The following ARHGEF4 variants were observed in gnomAD, a reference collection of about 807,000 sequenced individuals.
ARHGEF4 encodes the protein Rho guanine nucleotide exchange factor 4.
A neutral mutation model predicts 162.0 loss-of-function variants in ARHGEF4; 119 were observed. That is an observed-to-expected ratio of 0.73 (90% CI 0.63 to 0.86). ARHGEF4 has a LOEUF of 0.86. Ranked by LOEUF, ARHGEF4 falls within the 40% of genes least tolerant of loss-of-function variation. The probability of loss-of-function intolerance (pLI) is 0.00; values close to 1 mark genes in which losing one functional copy is unlikely to be tolerated. For synonymous variants in ARHGEF4, 1,014 were observed against 979.9 expected, an observed-to-expected ratio of 1.03 and a Z score of -0.65; for missense variants, 2,488 against 2,456.0, an observed-to-expected ratio of 1.01 and a Z score of -0.28.
At position 131,044,337 on chromosome 2, in the gene ARHGEF4, GCTGGACATGGACGGC is replaced by G; in HGVS notation, c.5202_5216del (p.Asp1734_Leu1738del). ...GCGACGTGTTGTACTACAAGGGCCGGCTGGACATGGACGGCCTGGAGGTGGTGGACCTGGAGGACG... is the reference window on the plus strand; with the variant it reads ...GCGACGTGTTGTACTACAAGGGCCGGCTGGAGGTGGTGGACCTGGAGGACG... On this transcript the variant is annotated inframe_deletion, in exon 12 of 14. Coordinates refer to ENST00000409359, the MANE Select transcript of ARHGEF4 (RefSeq NM_001367493.1). The G allele has an allele frequency of 6.2e-7, 1 of 1,609,354 alleles. No individual in the cohort carries two copies. The highest frequency in any genetic ancestry group is 8.5e-7 in the Non-Finnish European group (1 of 1,178,346).
intron 1 of ARHGEF4, among the ~76,000 whole-genome samples, chr2:130,841,351 A>G (rs935444057): frequency 1.4e-5 from 2 of 146,694 alleles, no homozygotes; most frequent in African/African-American, 5.0e-5. Context: ...AGCATGAGCC[A>G]CCGCGCCAGG....
At position 131,044,383 on chromosome 2, in the gene ARHGEF4, G is replaced by A; in HGVS notation, c.5242G>A (p.Asp1748Asn). ...LEVVDLEDGK[D>N]RDLHVSIKNA... ...GGTGGTGGACCTGGAGGACGGGAAG[G>A]ACAGAGACCTCCATGTGAGCATCAA... Residue 1748 changes from aspartate to asparagine, a missense_variant, in exon 12 of 14, where the codon GAC becomes AAC. This residue lies in a region of ARHGEF4 where 415 missense variants were observed against 512.4 expected (regional missense o/e 0.81). Coordinates refer to ENST00000409359, the MANE Select transcript of ARHGEF4 (RefSeq NM_001367493.1). 6.3e-7 allele frequency: 1 copy of A among 1,593,394 alleles called. No homozygotes were observed. The highest frequency in any genetic ancestry group is 1.1e-5 in the South Asian group (1 of 87,720).
At chr2:130,837,118 C>G in intron 1 of ARHGEF4, 126 bp downstream of exon 1, 1 of 881,928 alleles carries the variant, frequency 1.1e-6, no homozygotes, top group Non-Finnish European at 1.5e-6. Context: ...TGGGGACACC[C>G]TCGTGGCTCC....
intron 1 of ARHGEF4, among the ~76,000 whole-genome samples, chr2:130,907,749 C>G (rs560430033): frequency 6.6e-6 from 1 of 151,530 alleles, no homozygotes; most frequent in Non-Finnish European, 1.5e-5. Flanking sequence ...GTCAGGAGAT[C>G]GAGACGATCC....
chr2:131,004,673 G>A (rs1286088887), intron 4 of ARHGEF4, among the ~76,000 whole-genome samples: 2 of 151,964 alleles, frequency 1.3e-5, no homozygotes, highest in Admixed American at 6.6e-5. Context: ...TCTTTCTAGG[G>A]TGTGGTGTCT....
At chr2:130,837,332 T>G in intron 1 of ARHGEF4, 1 of 338,038 alleles carries the variant, frequency 3.0e-6, no homozygotes. Context: ...TCGGAGCCGC[T>G]GCCTGGACCG....
intron 3 of ARHGEF4, among the ~76,000 whole-genome samples, chr2:130,932,266 A>C (rs1190939556): frequency 6.6e-6 from 1 of 152,186 alleles, no homozygotes; most frequent in African/African-American, 2.4e-5. Flanking sequence ...TCGTTATGTG[A>C]TTATACAGTA....
intron 1 of ARHGEF4, among the ~76,000 whole-genome samples, chr2:130,848,115 T>A (rs976141097): frequency 1.3e-5 from 2 of 152,036 alleles, no homozygotes; most frequent in Non-Finnish European, 2.9e-5. Context: ...GTGGCTAGTC[T>A]CCAGGGTGGG....
rs1163949033 is a variant in ARHGEF4 at position 131,041,299 on chromosome 2, C to T, written c.4732C>T (p.Leu1578Phe). Residue 1578 changes from leucine (L) to phenylalanine (F), a missense_variant, in exon 9 of 14, where the codon CTC becomes TTC. Around this residue, in one of 6 missense-constraint regions of ARHGEF4, gnomAD observed 415 missense variants for 512.4 expected, o/e 0.81. Transcript: ENST00000409359. The part of the protein sequence containing the change: ...HPNACVELSR[L>F]TKLSKYVYFF... ...CAACGCCTGCGTGGAGCTCTCCCGG[C>T]TCACCAAGCTCAGCAAGTACGTGTA... 1 of 1,613,936 alleles carries T rather than the reference C, an allele frequency of 6.2e-7. No individual in the cohort carries two copies. The highest frequency in any genetic ancestry group is 8.5e-7 in the Non-Finnish European group (1 of 1,180,046).
At chr2:131,014,124 T>C (rs1047485629) in intron 4 of ARHGEF4, among the ~76,000 whole-genome samples, 9 of 152,240 alleles carry the variant, frequency 5.9e-5, no homozygotes, top group Non-Finnish European at 1.3e-4. Context: ...AAACTTGTAA[T>C]TTGGTAACGA....
intron 4 of ARHGEF4, among the ~76,000 whole-genome samples, chr2:130,954,996 G>T: frequency 6.6e-6 from 1 of 150,680 alleles, no homozygotes. Flanking sequence ...TTGTTCTTTG[G>T]CTTATGTAAT....
rs183586113 is a variant in ARHGEF4 at position 130,902,768 on chromosome 2, C to T, written c.40-11218C>T. On this transcript the variant is annotated intron_variant, in intron 1 of 13. Transcript: ENST00000409359. ...GCAGAGGCCTCCGTCCTGTCGGGTC[C>T]GTACCATCCTTCAGTTATCGTTTAT... Among the ~76,000 whole-genome samples, 467 of 152,308 alleles carry T rather than the reference C, an allele frequency of 3.1e-3. 1 individual carries two copies. The highest frequency in any genetic ancestry group is 4.5e-3 in the Non-Finnish European group (308 of 68,016).
At chr2:130,943,520 G>GT (rs1442930112) in intron 3 of ARHGEF4, among the ~76,000 whole-genome samples, 1 of 151,918 alleles carries the variant, frequency 6.6e-6, no homozygotes, top group African/African-American at 2.4e-5. Context: ...GCATTGCTCT[G>GT]TTTCCTTTTG....
chr2:131,046,755 CCCT>C lies in ARHGEF4; in HGVS notation c.*568_*570del, dbSNP rs1310636702. On this transcript the variant is annotated 3_prime_UTR_variant, in exon 14 of 14. Transcript: ENST00000409359. The stretch of plus-strand genomic sequence containing the variant: ...CGGAGCCCGCCCTTCGCCTCCCAGC[CCCT>C]CAAGACACCGCTGGCTGCTGGACAC... 2 of 153,328 alleles carry C rather than the reference CCCT, an allele frequency of 1.3e-5. No homozygotes were observed. Among genetic ancestry groups the C allele is most frequent in the African/African-American group, 2.4e-5 (1 of 41,452 alleles). 9.5% of individuals were successfully genotyped at this position (153,328 alleles called of 1,614,324 possible). A position where few individuals can be genotyped will look rare whatever the true frequency, so the allele number is the denominator to read the frequency against.
intron 1 of ARHGEF4, among the ~76,000 whole-genome samples, chr2:130,913,227 C>T (rs995738694): frequency 6.6e-5 from 10 of 152,070 alleles, no homozygotes; most frequent in Admixed American, 2.6e-4. Flanking sequence ...AGGGATTGAC[C>T]GGGGAGGGGC....
intron 4 of ARHGEF4, among the ~76,000 whole-genome samples, chr2:130,981,516 A>G (rs1686115920): frequency 1.3e-5 from 2 of 152,086 alleles, no homozygotes; most frequent in East Asian, 1.9e-4. Flanking sequence ...AAAGTTAGCC[A>G]GGTGTGGTGG....
At chr2:131,041,050 C>G (rs571300645) in intron 8 of ARHGEF4, among the ~76,000 whole-genome samples, 180 bp from the exon 9 acceptor site, 9 of 152,178 alleles carry the variant, frequency 5.9e-5, no homozygotes, top group South Asian at 2.1e-4. Context: ...ATTCCCACCC[C>G]TGTGTGTGAC....
At chr2:130,920,658 A>G (rs1681819125) in intron 2 of ARHGEF4, among the ~76,000 whole-genome samples, 1 of 152,192 alleles carries the variant, frequency 6.6e-6, no homozygotes, top group Admixed American at 6.5e-5. Flanking sequence ...TGATGGTGAG[A>G]GTAATTTGCA....
rs377418807 is a variant in ARHGEF4 at position 131,040,252 on chromosome 2, C to G, written c.4483-9C>G. ...CGGTCGGGGGAGGCCTAACCACGTC[C>G]GCCCGCAGGGCTACGTCCGGCAGTG... On this transcript the variant is annotated splice_polypyrimidine_tract_variant and intron_variant, in intron 7 of 13. Coordinates refer to ENST00000409359, the MANE Select transcript of ARHGEF4 (RefSeq NM_001367493.1). 2.5e-5 allele frequency: 40 copies of G among 1,611,698 alleles called. No individual in the cohort carries two copies. The South Asian group carries it at 4.0e-4, about 16-fold the overall frequency.
Sources: gnomAD v4.1 joint callset for allele counts (sites outside exome capture counted in the v4.1 genomes callset) on GRCh38, gnomAD v4.1.1 for gene constraint, gnomAD v4.1.1 regional missense constraint, MANE v1.5 for transcripts, NCBI Gene and HGNC (gene_info 2026-07-23, HGNC 2026-07-21) for gene names.